Variants in SNAP29 observed in about 807,000 individuals in gnomAD.
SNAP29 encodes synaptosomal-associated protein 29.
In SNAP29, 13 loss-of-function variants were observed where a neutral mutation model predicts 27.9. That is an observed-to-expected ratio of 0.47 (90% CI 0.30 to 0.74). The LOEUF is 0.74. Among genes scored for constraint, SNAP29 ranks in the 30% least tolerant of loss-of-function variants. SNAP29 has a pLI of 0.06. For missense variants in SNAP29, 368 were observed against 336.5 expected, an observed-to-expected ratio of 1.09 and a Z score of -0.73; for synonymous variants, 119 against 127.1, an observed-to-expected ratio of 0.94 and a Z score of 0.43.
chr22:20,872,992 G>T (rs1569117553), intron 2 of SNAP29, among the ~76,000 whole-genome samples: 1 of 150,182 alleles, frequency 6.7e-6, no homozygotes, highest in Non-Finnish European at 1.5e-5. Context: ...ACCATGCCTG[G>T]TTAATTTTTG....
intron 2 of SNAP29, among the ~76,000 whole-genome samples, chr22:20,874,352 CACA>C (rs1569117992): frequency 0.029 from 1,557 of 53,674 alleles, 31 homozygotes; most frequent in East Asian, 0.069. Context: ...AAATTAGCCA[CACA>C]CACACACACA....
intron 3 of SNAP29, among the ~76,000 whole-genome samples, chr22:20,881,956 G>T (rs1444497867): frequency 1.3e-5 from 2 of 152,054 alleles, no homozygotes; most frequent in African/African-American, 4.8e-5. Context: ...TGTCCAGTTG[G>T]GTCCAGTGTC....
chr22:20,883,586 C>T lies in SNAP29; in HGVS notation c.619+17C>T, dbSNP rs138238846. 10 of 1,529,232 alleles carry T rather than the reference C, an allele frequency of 6.5e-6. No homozygotes were observed. The African/African-American group carries it at 1.4e-4, about 21-fold the overall frequency. 94.7% of individuals were successfully genotyped at this position (1,529,232 alleles called of 1,614,324 possible). On this transcript the variant is annotated intron_variant, in intron 4 of 4. Transcript: ENST00000215730. ...GCAACCTAGGTAAGACTGAGCACCA[C>T]ACCAGCTTCTGTAAGCCACTGTCCT... is the stretch of plus-strand genomic sequence containing the variant.
At chr22:20,887,075 A>G (rs554534695) in intron 4 of SNAP29, among the ~76,000 whole-genome samples, 1 of 152,122 alleles carries the variant, frequency 6.6e-6, no homozygotes, top group East Asian at 2.0e-4. Context: ...TACAAAAAAA[A>G]TTAGTCGGGT....
At chr22:20,881,914 C>T (rs1287524239) in intron 3 of SNAP29, among the ~76,000 whole-genome samples, 1 of 152,124 alleles carries the variant, frequency 6.6e-6, no homozygotes, top group East Asian at 1.9e-4. Flanking sequence ...GTTACAATTG[C>T]TAATCAGCAA....
In SNAP29 at chr22:20,864,329, G is replaced by T. The variant is rs186615641; in HGVS notation, c.237+4982G>T. Among the ~76,000 whole-genome samples the T allele has an allele frequency of 2.1e-3, 322 of 152,274 alleles. 1 individual carries two copies. The highest frequency in any genetic ancestry group is 6.9e-3 in the African/African-American group (286 of 41,558). On this transcript the variant is annotated intron_variant, in intron 1 of 4. Transcript: ENST00000215730. ...GCCAGCACATCCTCCACACCGTCTC[G>T]TGCAGGGGCCCACCCATCTCTGTGT...
intron 2 of SNAP29, among the ~76,000 whole-genome samples, chr22:20,873,642 G>C (rs746110137): frequency 6.6e-6 from 1 of 151,792 alleles, no homozygotes; most frequent in African/African-American, 2.4e-5. Context: ...CCCAGCCTGA[G>C]CAACATGACA....
intron 3 of SNAP29, among the ~76,000 whole-genome samples, chr22:20,881,441 C>T (rs868329948): frequency 5.9e-5 from 9 of 152,332 alleles, no homozygotes; most frequent in African/African-American, 1.9e-4. Context: ...CAGTAACACA[C>T]GCCTGTAATC....
At chr22:20,875,517 A>T (rs145284586) in intron 2 of SNAP29, among the ~76,000 whole-genome samples, 2 of 152,326 alleles carry the variant, frequency 1.3e-5, no homozygotes, top group Non-Finnish European at 2.9e-5. Context: ...CCCTGGGAAC[A>T]GAGGAAGGCT....
chr22:20,865,857 T>G (rs944300758), intron 1 of SNAP29, among the ~76,000 whole-genome samples: 1 of 152,214 alleles, frequency 6.6e-6, no homozygotes, highest in African/African-American at 2.4e-5. Flanking sequence ...CAGAGTATTG[T>G]CAACCAAGGA....
In SNAP29 at chr22:20,890,569, A is replaced by G. The variant is rs1416395142; in HGVS notation, c.*2733A>G. 6.0e-6 allele frequency: 2 copies of G among 334,764 alleles called. No homozygotes were observed. Among genetic ancestry groups the G allele is most frequent in the East Asian group, 9.0e-5 (2 of 22,120 alleles). The allele number at this position is 334,764 out of a possible 1,614,324, so 20.7% of individuals were successfully genotyped here. ...TCAGGAGATCGAGACCATCCTGGCTAACACGGTGAAACCCCATCTCTACTA... is the reference window on the plus strand; with the variant it reads ...TCAGGAGATCGAGACCATCCTGGCTGACACGGTGAAACCCCATCTCTACTA... On this transcript the variant is annotated 3_prime_UTR_variant, in exon 5 of 5. Coordinates refer to ENST00000215730, the MANE Select transcript of SNAP29 (RefSeq NM_004782.4).
intron 3 of SNAP29, among the ~76,000 whole-genome samples, chr22:20,881,873 T>C (rs777541905): frequency 1.1e-4 from 16 of 152,184 alleles, no homozygotes; most frequent in Non-Finnish European, 2.2e-4. Flanking sequence ...TTAGGTTATA[T>C]GGCAAAGGTG....
At position 20,863,048 on chromosome 22, in the gene SNAP29, C is replaced by T. The variant is rs201352790; in HGVS notation, c.237+3701C>T. ...GACTACAGGTGCACGCCACCACACT[C>T]GACTAATTTTTGGTATTTTTGGTGG... On this transcript the variant is annotated intron_variant, in intron 1 of 4. Transcript: ENST00000215730. 7.9e-5 allele frequency among the ~76,000 whole-genome samples: 12 copies of T among 152,298 alleles called. No homozygotes were observed. The East Asian group carries it at 1.2e-3, about 15-fold the overall frequency.
At chr22:20,879,851 TAAAAAAAAA>T (rs361542) in intron 2 of SNAP29, among the ~76,000 whole-genome samples, 1 of 98,074 alleles carries the variant, frequency 1.0e-5, no homozygotes, top group African/African-American at 3.8e-5. Flanking sequence ...TGAAAAAATT[TAAAAAAAAA>T]AAAAAAAAAA....
chr22:20,871,877 G>T (rs960218057), intron 2 of SNAP29, among the ~76,000 whole-genome samples: 2 of 151,098 alleles, frequency 1.3e-5, no homozygotes, highest in African/African-American at 2.4e-5. Flanking sequence ...GCAAGACTCC[G>T]TCTCAAAAAA....
At chr22:20,884,010 A>G (rs1211663557) in intron 4 of SNAP29, among the ~76,000 whole-genome samples, 1 of 152,152 alleles carries the variant, frequency 6.6e-6, no homozygotes, top group East Asian at 1.9e-4. Context: ...TTGGCCACAC[A>G]GCCTCCAGCA....
intron 4 of SNAP29, among the ~76,000 whole-genome samples, chr22:20,885,022 G>A (rs1928979551): frequency 6.6e-6 from 1 of 152,194 alleles, no homozygotes; most frequent in Non-Finnish European, 1.5e-5. Flanking sequence ...TGACCCGCCT[G>A]TCTCGGCCTC....
chr22:20,859,360 C>T lies in SNAP29; in HGVS notation c.237+13C>T, dbSNP rs374460893. 5.7e-6 allele frequency: 9 copies of T among 1,574,402 alleles called. No individual in the cohort carries two copies. Among genetic ancestry groups the T allele is most frequent in the Admixed American group, 1.7e-5 (1 of 59,962 alleles). ...CGCCTCTTCCGAGGTGAGCCTGGGGCAGGGCTGGTGTGGACTCGCCGGTCT... is the reference window on the plus strand; with the variant it reads ...CGCCTCTTCCGAGGTGAGCCTGGGGTAGGGCTGGTGTGGACTCGCCGGTCT... On this transcript the variant is annotated intron_variant, in intron 1 of 4. Transcript: ENST00000215730.
intron 1 of SNAP29, among the ~76,000 whole-genome samples, chr22:20,868,410 C>T (rs879448974): frequency 6.6e-6 from 1 of 152,186 alleles, no homozygotes; most frequent in Non-Finnish European, 1.5e-5. Context: ...ATAGTAAATT[C>T]AACCAACCAG....
Sources: allele counts gnomAD v4.1 joint callset (sites outside exome capture counted in the v4.1 genomes callset), GRCh38; gene constraint gnomAD v4.1.1; transcripts MANE v1.5; gene names NCBI Gene and HGNC (gene_info 2026-07-23, HGNC 2026-07-21).